TTBK2: variants seen among roughly 807,000 people sequenced by gnomAD.
The protein encoded by TTBK2 is tau-tubulin kinase 2.
A neutral mutation model predicts 110.8 loss-of-function variants in TTBK2; 28 were observed. The observed-to-expected ratio is 0.25, with a 90% confidence interval of 0.19 to 0.35. TTBK2 has a LOEUF of 0.35. Ranked by LOEUF, TTBK2 falls within the 10% of genes least tolerant of loss-of-function variation. The pLI is 1.00. For missense variants in TTBK2, 1,369 were observed against 1,500.3 expected, an observed-to-expected ratio of 0.91 and a Z score of 1.45; for synonymous variants, 532 against 527.3, an observed-to-expected ratio of 1.01 and a Z score of -0.12.
rs779170429 is a variant in TTBK2 at position 42,840,446 on chromosome 15, A to G, written c.218-13T>C. 8.7e-6 allele frequency: 14 copies of G among 1,610,430 alleles called. No individual in the cohort carries two copies. Among genetic ancestry groups the G allele is most frequent in the Non-Finnish European group, 1.2e-5 (14 of 1,176,768 alleles). The stretch of plus-strand genomic sequence containing the variant: ...ACATGGTCTTTCCCTGGATAAAAAA[A>G]GAAAACAGTGGAAAAGAATATACTA... On this transcript the variant is annotated splice_polypyrimidine_tract_variant and intron_variant, in intron 3 of 14. Coordinates refer to ENST00000267890, the MANE Select transcript of TTBK2 (RefSeq NM_173500.4).
intron 6 of TTBK2, among the ~76,000 whole-genome samples, chr15:42,825,386 C>T (rs1451214886): frequency 6.6e-6 from 1 of 152,078 alleles, no homozygotes; most frequent in African/African-American, 2.4e-5. Context: ...ATATGATAGC[C>T]ACTTAAAATT....
rs1237653689 is a variant in TTBK2, at chr15:42,878,451, C to A, written c.69+98G>T. The A allele has an allele frequency of 3.8e-6, 6 of 1,577,214 alleles. No homozygotes were observed. In the Admixed American group the frequency reaches 7.0e-5, roughly 19 times the overall value. On this transcript the variant is annotated intron_variant, in intron 2 of 14. Coordinates refer to ENST00000267890, the MANE Select transcript of TTBK2 (RefSeq NM_173500.4). ...GTATGTAATATTTCCTAATGAAATGCTATTTTTATCAGGATACCAAAAATT... is the reference window on the plus strand; with the variant it reads ...GTATGTAATATTTCCTAATGAAATGATATTTTTATCAGGATACCAAAAATT...
intron 3 of TTBK2, among the ~76,000 whole-genome samples, chr15:42,848,657 AT>A (rs1893570293): frequency 6.6e-6 from 1 of 151,964 alleles, no homozygotes; most frequent in African/African-American, 2.4e-5. Flanking sequence ...TGCTCGGCTA[AT>A]TTTGTATTTT....
intron 11 of TTBK2, 96 bp downstream of exon 11, chr15:42,783,322 CT>C: frequency 8.3e-7 from 1 of 1,210,956 alleles, no homozygotes. Flanking sequence ...CAAAACAGCC[CT>C]CACCAGATAC....
intron 10 of TTBK2, among the ~76,000 whole-genome samples, chr15:42,791,845 A>C (rs571123902): frequency 1.3e-5 from 2 of 152,306 alleles, no homozygotes; most frequent in South Asian, 4.1e-4. Context: ...ACTATAGTTA[A>C]CAATAGCTTG....
At chr15:42,879,058 G>T (rs1894935480) in intron 1 of TTBK2, among the ~76,000 whole-genome samples, 1 of 152,162 alleles carries the variant, frequency 6.6e-6, no homozygotes, top group Non-Finnish European at 1.5e-5. Context: ...CTTATAGTTT[G>T]TAACTTAGAG....
At chr15:42,870,920 A>G (rs976914584) in intron 3 of TTBK2, among the ~76,000 whole-genome samples, 1 of 152,114 alleles carries the variant, frequency 6.6e-6, no homozygotes, top group Middle Eastern at 3.2e-3. Flanking sequence ...TTTAAAAATC[A>G]ACAAATCCTA....
intron 5 of TTBK2, among the ~76,000 whole-genome samples, chr15:42,828,988 G>C (rs1892644976): frequency 6.6e-6 from 1 of 151,960 alleles, no homozygotes; most frequent in African/African-American, 2.4e-5. Flanking sequence ...GTTCTACTTA[G>C]GGGCTTTCTG....
At chr15:42,920,381 G>A (rs1221409069) in intron 1 of TTBK2, 57 bp downstream of exon 1, 1 of 152,550 alleles carries the variant, frequency 6.6e-6, no homozygotes, top group African/African-American at 2.4e-5. Flanking sequence ...GCGGCCGGAG[G>A]AGGGGGTCGA....
intron 3 of TTBK2, among the ~76,000 whole-genome samples, chr15:42,858,964 G>C (rs1894050892): frequency 6.6e-6 from 1 of 152,178 alleles, no homozygotes; most frequent in South Asian, 2.1e-4. Flanking sequence ...TTCCAGCAGG[G>C]AGAAGAGAAA....
At chr15:42,843,836 A>G (rs1893343491) in intron 3 of TTBK2, among the ~76,000 whole-genome samples, 1 of 151,914 alleles carries the variant, frequency 6.6e-6, no homozygotes, top group Non-Finnish European at 1.5e-5. Context: ...GTGAAACCTA[A>G]GACTGGTGTT....
In TTBK2 at chr15:42,824,147, T is replaced by C. The variant is rs181938124; in HGVS notation, c.537+3781A>G. Reference sequence around the variant, plus strand: ...GCTCCCAAGGGAGGGGAGTGATCTATTCATGCGTGATCCATCCCACGACCC... The same window carrying C: ...GCTCCCAAGGGAGGGGAGTGATCTACTCATGCGTGATCCATCCCACGACCC... On this transcript the variant is annotated intron_variant, in intron 6 of 14. Transcript: ENST00000267890. Among the ~76,000 whole-genome samples the C allele has an allele frequency of 2.3e-3, 355 of 152,256 alleles. 3 individuals carry two copies. The highest frequency in any genetic ancestry group is 8.7e-4 in the Non-Finnish European group (59 of 68,018).
At chr15:42,888,073 G>A (rs1299420040) in intron 1 of TTBK2, among the ~76,000 whole-genome samples, 4 of 152,060 alleles carry the variant, frequency 2.6e-5, no homozygotes, top group Non-Finnish European at 5.9e-5. Flanking sequence ...TAGCCTTTCT[G>A]TCCAAACAAC....
At chr15:42,763,075 T>C (rs1488612550) in intron 13 of TTBK2, among the ~76,000 whole-genome samples, 1 of 125,324 alleles carries the variant, frequency 8.0e-6, no homozygotes, top group Non-Finnish European at 1.6e-5. Context: ...ATGATTACAG[T>C]TAACAATTTT....
chr15:42,877,215 T>C (rs541882674), intron 2 of TTBK2, among the ~76,000 whole-genome samples: 8 of 152,278 alleles, frequency 5.3e-5, no homozygotes, highest in Admixed American at 4.6e-4. Context: ...TGATCATCAA[T>C]AGTGTTAACA....
intron 4 of TTBK2, among the ~76,000 whole-genome samples, chr15:42,832,578 C>G (rs1298098175): frequency 2.0e-5 from 3 of 152,138 alleles, no homozygotes; most frequent in Non-Finnish European, 4.4e-5. Flanking sequence ...CATGGTTTTA[C>G]TTTATCCATG....
chr15:42,782,149 G>A (rs2140800696), intron 11 of TTBK2, among the ~76,000 whole-genome samples: 2 of 152,226 alleles, frequency 1.3e-5, no homozygotes, highest in Non-Finnish European at 2.9e-5. Context: ...TTGGCTCACT[G>A]CAACCTCCAC....
chr15:42,856,444 T>C (rs1893945394), intron 3 of TTBK2, among the ~76,000 whole-genome samples: 1 of 152,098 alleles, frequency 6.6e-6, no homozygotes, highest in Non-Finnish European at 1.5e-5. Context: ...CAACAAAATA[T>C]AATGCAATGT....
intron 6 of TTBK2, among the ~76,000 whole-genome samples, chr15:42,820,246 A>G (rs759300913): frequency 9.2e-5 from 14 of 152,204 alleles, no homozygotes; most frequent in Non-Finnish European, 1.9e-4. Flanking sequence ...CTCAAACCCA[A>G]CTGGAGAAAA....
Sources: gnomAD v4.1 joint callset for allele counts (sites outside exome capture counted in the v4.1 genomes callset) on GRCh38, gnomAD v4.1.1 for gene constraint, MANE v1.5 for transcripts, NCBI Gene and HGNC (gene_info 2026-07-23, HGNC 2026-07-21) for gene names.